ATP8A1: variants seen among roughly 807,000 people sequenced by gnomAD.
The protein encoded by ATP8A1 is ATPase phospholipid transporting 8A1.
In ATP8A1, 90 loss-of-function variants were observed where a neutral mutation model predicts 177.7. That is an observed-to-expected ratio of 0.51 (90% CI 0.43 to 0.60). The LOEUF (loss-of-function observed/expected upper bound fraction) is 0.60. Among genes scored for constraint, ATP8A1 ranks in the 20% least tolerant of loss-of-function variants. The probability of loss-of-function intolerance (pLI) is 0.00; values close to 1 mark genes in which losing one functional copy is unlikely to be tolerated. For missense variants in ATP8A1, 1,072 were observed against 1,392.8 expected (o/e 0.77, Z 3.67); for synonymous variants, 493 against 485.9 (o/e 1.01, Z -0.19).
At chr4:42,555,689 G>A (rs949659794) in intron 16 of ATP8A1, among the ~76,000 whole-genome samples, 2 of 152,130 alleles carry the variant, frequency 1.3e-5, no homozygotes, top group Non-Finnish European at 2.9e-5. Context: ...CGGGTGTGGT[G>A]GCGAGTGCCT....
At chr4:42,602,725 C>T (rs955514260) in intron 5 of ATP8A1, among the ~76,000 whole-genome samples, 5 of 151,962 alleles carry the variant, frequency 3.3e-5, no homozygotes, top group South Asian at 4.1e-4. Flanking sequence ...GCCAAGATGA[C>T]GCCACTGCAC....
intron 33 of ATP8A1, among the ~76,000 whole-genome samples, chr4:42,425,341 T>C (rs568284490): frequency 3.8e-4 from 58 of 152,334 alleles, no homozygotes; most frequent in Non-Finnish European, 7.5e-4. Context: ...ACCATTGTGA[T>C]GCTAACGATG....
chr4:42,460,383 T>TC (rs1289055776), intron 27 of ATP8A1, among the ~76,000 whole-genome samples: 3 of 140,358 alleles, frequency 2.1e-5, no homozygotes, highest in African/African-American at 8.4e-5. Flanking sequence ...ATGGATCTTT[T>TC]TTTTTTTTTT....
intron 24 of ATP8A1, among the ~76,000 whole-genome samples, chr4:42,493,129 G>C (rs571139152): frequency 2.9e-4 from 44 of 152,298 alleles, no homozygotes; most frequent in Admixed American, 1.2e-3. Flanking sequence ...AGTGAGATGT[G>C]AGAAAGTCCA....
At chr4:42,541,119 C>T (rs1358208874) in intron 20 of ATP8A1, among the ~76,000 whole-genome samples, 1 of 151,842 alleles carries the variant, frequency 6.6e-6, no homozygotes, top group Non-Finnish European at 1.5e-5. Flanking sequence ...GAGTGAGACC[C>T]TGTCTCTAAA....
chr4:42,518,704 T>C (rs975953417), intron 22 of ATP8A1, among the ~76,000 whole-genome samples: 2 of 152,254 alleles, frequency 1.3e-5, no homozygotes, highest in South Asian at 2.1e-4. Flanking sequence ...TCCAATATTA[T>C]GGTCTACGTA....
chr4:42,625,824 G>T, intron 2 of ATP8A1, 111 bp from the exon 3 acceptor site: 1 of 518,824 alleles, frequency 1.9e-6, no homozygotes, highest in Non-Finnish European at 3.4e-6. Flanking sequence ...TTTGCCGGCT[G>T]TTTCAAATTG....
intron 25 of ATP8A1, among the ~76,000 whole-genome samples, chr4:42,468,294 A>T (rs1230786500): frequency 6.6e-6 from 1 of 152,258 alleles, no homozygotes; most frequent in Admixed American, 6.5e-5. Flanking sequence ...TTATAGCAGC[A>T]CAATTTGCAA....
In ATP8A1 at chr4:42,567,194, C is replaced by T. The variant is rs193017652; in HGVS notation, c.1340+1967G>A. Among the ~76,000 whole-genome samples the T allele has an allele frequency of 3.3e-3, 504 of 152,194 alleles. 3 individuals are homozygous for T. Among genetic ancestry groups the T allele is most frequent in the Non-Finnish European group, 4.0e-3 (275 of 68,028 alleles). ...ACATTTGTTCTTTCATTTTTGCAGG[C>T]CTATAGGTAATTACTTATTTTATAG... On this transcript the variant is annotated intron_variant, in intron 15 of 36. Transcript: ENST00000381668.
At chr4:42,546,980 C>T (rs1272580254) in intron 19 of ATP8A1, among the ~76,000 whole-genome samples, 1 of 152,184 alleles carries the variant, frequency 6.6e-6, no homozygotes, top group Non-Finnish European at 1.5e-5. Flanking sequence ...TTTATATCTT[C>T]TCTTCAGGAG....
intron 24 of ATP8A1, among the ~76,000 whole-genome samples, chr4:42,493,235 G>A (rs1722903482): frequency 6.6e-6 from 1 of 152,146 alleles, no homozygotes; most frequent in African/African-American, 2.4e-5. Context: ...TCCAAAGGTC[G>A]AAACATACCC....
chr4:42,512,666 A>G (rs1725124624), intron 22 of ATP8A1, among the ~76,000 whole-genome samples: 1 of 152,192 alleles, frequency 6.6e-6, no homozygotes, highest in Non-Finnish European at 1.5e-5. Flanking sequence ...TCAAGTCCCA[A>G]GTAATTAATT....
At chr4:42,594,473 A>G in intron 6 of ATP8A1, 1 of 645,848 alleles carries the variant, frequency 1.5e-6, no homozygotes, top group Non-Finnish European at 2.7e-6. Flanking sequence ...TCGGCAAACA[A>G]GAACCACTTA....
intron 17 of ATP8A1, 76 bp from the exon 18 acceptor site, chr4:42,551,356 G>C (rs1577567442): frequency 2.0e-6 from 2 of 987,166 alleles, no homozygotes; most frequent in Non-Finnish European, 3.2e-6. Context: ...AGTACATTAA[G>C]GTAATATAAT....
chr4:42,575,553 T>G (rs1459791027), intron 13 of ATP8A1, 69 bp downstream of exon 13: 2 of 1,282,188 alleles, frequency 1.6e-6, no homozygotes, highest in Admixed American at 1.7e-5. Flanking sequence ...GCAGTTATCA[T>G]ATATGGCAGA....
chr4:42,511,311 T>C (rs1000056279), intron 22 of ATP8A1, among the ~76,000 whole-genome samples: 2 of 152,206 alleles, frequency 1.3e-5, no homozygotes, highest in African/African-American at 4.8e-5. Context: ...GTTTAGGCTA[T>C]AATCAATTTC....
Position 42,443,674 on chromosome 4 carries a change from T to A in ATP8A1, c.3016-2A>T. The stretch of plus-strand genomic sequence containing the variant: ...CCCCCATATCGCTATGTGGCTGAAC[T>A]GTAGAGCAAGGAAATCTGAGTCAAA... On this transcript the variant is annotated splice_acceptor_variant, in intron 32 of 36. Transcript: ENST00000381668. LOFTEE classifies it high-confidence loss of function. 1 of 1,400,046 alleles carries A rather than the reference T, an allele frequency of 7.1e-7. No homozygotes were observed. Among genetic ancestry groups the A allele is most frequent in the Non-Finnish European group, 1.0e-6 (1 of 985,842 alleles). 86.7% of individuals were successfully genotyped at this position (1,400,046 alleles called of 1,614,324 possible).
At chr4:42,470,193 G>A (rs1026496683) in intron 25 of ATP8A1, among the ~76,000 whole-genome samples, 1 of 152,186 alleles carries the variant, frequency 6.6e-6, no homozygotes. Context: ...AACAGAGGGT[G>A]GTCCTTTCTG....
At chr4:42,551,345 A>G (rs1402854849) in intron 17 of ATP8A1, 65 bp from the exon 18 acceptor site, 4 of 1,104,340 alleles carry the variant, frequency 3.6e-6, no homozygotes, top group Non-Finnish European at 4.2e-6. Flanking sequence ...AGCACAAGAG[A>G]AGTACATTAA....
Sources: gnomAD v4.1 joint callset for allele counts (sites outside exome capture counted in the v4.1 genomes callset) on GRCh38, gnomAD v4.1.1 for gene constraint, MANE v1.5 for transcripts, NCBI Gene and HGNC (gene_info 2026-07-23, HGNC 2026-07-21) for gene names.